Variants in RNF220 observed in about 807,000 individuals in gnomAD.
The protein encoded by RNF220 is ring finger protein 220.
A neutral mutation model predicts 67.1 loss-of-function variants in RNF220; 7 were observed. That is an observed-to-expected ratio of 0.10 (90% CI 0.06 to 0.20). The LOEUF (loss-of-function observed/expected upper bound fraction) is 0.20, where lower values mean the gene tolerates loss of function less well. RNF220 is among the 10% of genes least tolerant of loss of function. The pLI, the probability that RNF220 is intolerant of heterozygous loss-of-function variation, is 1.00. For synonymous variants in RNF220, 270 were observed against 283.2 expected (o/e 0.95, Z 0.47); for missense variants, 565 against 740.3 (o/e 0.76, Z 2.75).
chr1:44,454,483 C>G (rs1229471329), intron 2 of RNF220, among the ~76,000 whole-genome samples: 1 of 151,752 alleles, frequency 6.6e-6, no homozygotes, highest in African/African-American at 2.4e-5. Context: ...CCTTCTAATA[C>G]TATTTACCTG....
At chr1:44,455,670 A>G (rs1161582614) in intron 2 of RNF220, among the ~76,000 whole-genome samples, 5 of 152,260 alleles carry the variant, frequency 3.3e-5, no homozygotes, top group Non-Finnish European at 5.9e-5. Context: ...ACATGGAAAG[A>G]TGAATAAGTT....
At chr1:44,406,213 CGGGTGTGAA>C (rs145194151) in intron 1 of RNF220, among the ~76,000 whole-genome samples, 2,275 of 152,078 alleles carry the variant, frequency 0.015, 57 homozygotes, top group African/African-American at 0.052. Flanking sequence ...CTAGCGGGGG[CGGGTGTGAA>C]GGGTGTGGAG....
chr1:44,461,417 G>A (rs968386189), intron 2 of RNF220, among the ~76,000 whole-genome samples: 2 of 152,108 alleles, frequency 1.3e-5, no homozygotes, highest in Non-Finnish European at 2.9e-5. Flanking sequence ...CTTGTTTTCC[G>A]TCTGAGTTCA....
chr1:44,511,916 C>T (rs61787521), intron 2 of RNF220, among the ~76,000 whole-genome samples: 71 of 147,798 alleles, frequency 4.8e-4, no homozygotes, highest in African/African-American at 1.3e-3. Context: ...CGTGTGTGTG[C>T]GTGTGTGTGT....
At chr1:44,638,275 T>C (rs1218703137) in intron 8 of RNF220, 2 of 152,344 alleles carry the variant, frequency 1.3e-5, no homozygotes, top group Admixed American at 6.5e-5. Flanking sequence ...CTTAATGTGA[T>C]TGAAAGGCAG....
At chr1:44,540,857 A>C (rs1661620245) in intron 2 of RNF220, among the ~76,000 whole-genome samples, 1 of 152,156 alleles carries the variant, frequency 6.6e-6, no homozygotes, top group African/African-American at 2.4e-5. Context: ...TTCTGAGAGC[A>C]CGAGTCAGGT....
In RNF220 at chr1:44,606,304, T is replaced by TA. The variant is rs1183369270; in HGVS notation, c.626-7855dup. Among the ~76,000 whole-genome samples, 1 of 152,110 alleles carries TA rather than the reference T, an allele frequency of 6.6e-6. No homozygotes were observed. The highest frequency in any genetic ancestry group is 1.5e-5 in the Non-Finnish European group (1 of 68,026). On this transcript the variant is annotated intron_variant, in intron 2 of 14. Coordinates refer to ENST00000361799, the MANE Select transcript of RNF220 (RefSeq NM_018150.4). This position sits in a 1 kb window ranked among gnomAD's most constrained non-coding sequence, Gnocchi z 4.2. ...GGGCCTCGTTCATATTGACTGAAGG[T>TA]AAAAAATGCCATCTGTCAGCATGTT...
intron 2 of RNF220, among the ~76,000 whole-genome samples, chr1:44,516,879 A>G (rs1659490643): frequency 6.6e-6 from 1 of 151,852 alleles, no homozygotes; most frequent in Admixed American, 6.6e-5. Flanking sequence ...CCTATTTACC[A>G]CCACCACATG....
At position 44,644,794 on chromosome 1, in the gene RNF220, A is replaced by C; in HGVS notation, c.1223A>C (p.Gln408Pro). Residue 408 changes from glutamine to proline, a missense_variant and splice_region_variant, in exon 9 of 15, where the codon CAA (glutamine) becomes CCA (proline). Gln to Pro is a moderately conservative substitution (Grantham distance 76, BLOSUM62 -1). Transcript: ENST00000361799. ...GDDTLEYGKPQYTEADVIPCT... is the reference protein window; with the variant it reads ...GDDTLEYGKPPYTEADVIPCT... ...GACACTCTGGAGTATGGGAAGCCAC[A>C]GTATCCTTGGAGCACTATGGGGGCT... 1 of 1,612,932 alleles carries C rather than the reference A, an allele frequency of 6.2e-7. No individual in the cohort carries two copies. The highest frequency in any genetic ancestry group is 8.5e-7 in the Non-Finnish European group (1 of 1,178,884).
chr1:44,527,167 C>G (rs1660442174), intron 2 of RNF220, among the ~76,000 whole-genome samples: 1 of 152,040 alleles, frequency 6.6e-6, no homozygotes, highest in Non-Finnish European at 1.5e-5. Context: ...ATTCCAGCTG[C>G]CAACTCACTA....
At chr1:44,533,394 A>G (rs2148197211) in intron 2 of RNF220, among the ~76,000 whole-genome samples, 1 of 152,270 alleles carries the variant, frequency 6.6e-6, no homozygotes, top group Non-Finnish European at 1.5e-5. Flanking sequence ...TGGGAGGCTG[A>G]GGCAGGAGGA....
At chr1:44,633,932 G>A (rs971100814) in intron 6 of RNF220, among the ~76,000 whole-genome samples, 3 of 152,218 alleles carry the variant, frequency 2.0e-5, no homozygotes, top group Non-Finnish European at 2.9e-5. Context: ...AAGAGTTCTC[G>A]ATCTGTGTCC....
intron 8 of RNF220, among the ~76,000 whole-genome samples, chr1:44,641,198 T>C (rs975607911): frequency 1.3e-5 from 2 of 152,194 alleles, no homozygotes; most frequent in Non-Finnish European, 2.9e-5. Flanking sequence ...GATATTTTTT[T>C]TTGCACTACC....
intron 2 of RNF220, among the ~76,000 whole-genome samples, chr1:44,585,020 A>G (rs926060665): frequency 1.3e-5 from 2 of 152,082 alleles, no homozygotes; most frequent in Non-Finnish European, 2.9e-5. Flanking sequence ...TTTCTAATCC[A>G]GTTGCCTGAG....
intron 2 of RNF220, among the ~76,000 whole-genome samples, chr1:44,531,111 T>C (rs1392339740): frequency 6.6e-6 from 1 of 152,216 alleles, no homozygotes; most frequent in African/African-American, 2.4e-5. Flanking sequence ...GATTGTGTCT[T>C]TCAGAATTAT....
intron 2 of RNF220, among the ~76,000 whole-genome samples, chr1:44,486,979 A>C (rs1230194867): frequency 6.6e-6 from 1 of 152,212 alleles, no homozygotes; most frequent in Non-Finnish European, 1.5e-5. Context: ...TATTATAAGT[A>C]ACACAATTAA....
At position 44,412,864 on chromosome 1, in the gene RNF220, C is replaced by A; in HGVS notation, c.625+142C>A. 1 of 945,112 alleles carries A rather than the reference C, an allele frequency of 1.1e-6. No homozygotes were observed. Among genetic ancestry groups the A allele is most frequent in the South Asian group, 1.6e-5 (1 of 60,972 alleles). The allele number at this position is 945,112 out of a possible 1,614,324, so 58.5% of individuals were successfully genotyped here. A position where few individuals can be genotyped will look rare whatever the true frequency, so the allele number is the denominator to read the frequency against. On this transcript the variant is annotated intron_variant, in intron 2 of 14. Coordinates refer to ENST00000361799, the MANE Select transcript of RNF220 (RefSeq NM_018150.4). This position sits in a 1 kb window ranked among gnomAD's most constrained non-coding sequence, Gnocchi z 5.3. ...CTTTCACTAGCTGTGGAGTGCTAAC[C>A]TTTGCTTGTCTCTTATCAGTGAGCA...
chr1:44,597,570 C>T (rs1409985886), intron 2 of RNF220, among the ~76,000 whole-genome samples: 2 of 151,226 alleles, frequency 1.3e-5, no homozygotes, highest in African/African-American at 4.9e-5. Context: ...ACACCTCTCA[C>T]GTTCTTTTCA....
chr1:44,584,526 T>C (rs990787189), intron 2 of RNF220, among the ~76,000 whole-genome samples: 2 of 152,194 alleles, frequency 1.3e-5, no homozygotes, highest in African/African-American at 4.8e-5. Context: ...GCTCTGGAAA[T>C]AGGAGTTGGC....
Sources: gnomAD v4.1 joint callset for allele counts (sites outside exome capture counted in the v4.1 genomes callset) on GRCh38, gnomAD v4.1.1 for gene constraint, Gnocchi (gnomAD v3.1) non-coding constraint, MANE v1.5 for transcripts, NCBI Gene and HGNC (gene_info 2026-07-23, HGNC 2026-07-21) for gene names.